APC: variants seen among roughly 807,000 people sequenced by gnomAD.
The protein encoded by APC is APC regulator of Wnt signaling pathway.
APC carries 72 observed loss-of-function variants against 247.0 expected under a neutral mutation model. The observed-to-expected ratio is 0.29, with a 90% CI of 0.24 to 0.35. The LOEUF is 0.35. Ranked by LOEUF, APC falls within the 10% of genes least tolerant of loss-of-function variation. The pLI, the probability that APC is intolerant of heterozygous loss-of-function variation, is 1.00. For synonymous variants in APC, 1,254 were observed against 1,162.5 expected (o/e 1.08, Z -1.60); for missense variants, 3,400 against 3,360.7 (o/e 1.01, Z -0.29).
At position 112,841,798 on chromosome 5, in the gene APC, G is replaced by T. The variant is rs1554087277; in HGVS notation, c.6204G>T (p.Met2068Ile). ...GDNEKHSPRN[M>I]GGILGEDLTL... The stretch of plus-strand genomic sequence containing the variant: ...ATGAAAAACATAGTCCCAGAAATAT[G>T]GGTGGCATATTAGGTGAAGATCTGA... Residue 2068 changes from methionine to isoleucine, a missense_variant, in exon 16 of 16, where the codon ATG becomes ATT. Met to Ile is a conservative substitution (Grantham distance 10). This residue lies in a region of APC where 1,788 missense variants were observed against 1,649.5 expected (regional missense o/e 1.08). Transcript: ENST00000257430. The surrounding 1 kb of genome is among the most constrained non-coding windows in gnomAD (Gnocchi z 4.6). 6.2e-7 allele frequency: 1 copy of T among 1,614,020 alleles called. No individual in the cohort carries two copies. The highest frequency in any genetic ancestry group is 1.1e-5 in the South Asian group (1 of 91,070).
Position 112,843,589 on chromosome 5 carries a change from C to T in APC, c.7995C>T (p.Pro2665=), listed in dbSNP as rs1554088819. 4.3e-6 allele frequency: 7 copies of T among 1,613,936 alleles called. No individual in the cohort carries two copies. The highest frequency in any genetic ancestry group is 5.1e-6 in the Non-Finnish European group (6 of 1,179,890). ...TTTGGGTGAGAATTGAGGACTGTCC[C>T]ATTAACAATCCTAGATCTGGAAGAT... ...EDVWVRIEDC[P]INNPRSGRSP... The change falls in exon 16 of 16, where the codon CCC becomes CCT. Residue 2665 remains proline (P), a synonymous_variant. Coordinates refer to ENST00000257430, the MANE Select transcript of APC (RefSeq NM_000038.6). This position sits in a 1 kb window ranked among gnomAD's most constrained non-coding sequence, Gnocchi z 4.8.
intron 1 of APC, among the ~76,000 whole-genome samples, chr5:112,709,810 CAGG>C (rs1453935002): frequency 1.3e-5 from 2 of 152,090 alleles, no homozygotes; most frequent in Non-Finnish European, 2.9e-5. Flanking sequence ...GAGGCTGAGG[CAGG>C]AGGATTGTTG....
chr5:112,809,771 A>T (rs1451707321), intron 8 of APC, among the ~76,000 whole-genome samples: 5 of 152,150 alleles, frequency 3.3e-5, no homozygotes, highest in Admixed American at 2.0e-4. Flanking sequence ...GGAGGCCGAG[A>T]TGGGCGGATC....
intron 1 of APC, among the ~76,000 whole-genome samples, chr5:112,732,288 G>A (rs536535734): frequency 6.6e-6 from 1 of 152,266 alleles, no homozygotes; most frequent in East Asian, 1.9e-4. Context: ...AGGAGTGCTT[G>A]GTGTTTCTCA....
At position 112,832,216 on chromosome 5, in the gene APC, G is replaced by A. The variant is rs187986986; in HGVS notation, c.1744-2735G>A. Among the ~76,000 whole-genome samples, 339 of 152,172 alleles carry A rather than the reference G, an allele frequency of 2.2e-3. 1 individual carries two copies. The highest frequency in any genetic ancestry group is 3.9e-3 in the Non-Finnish European group (264 of 68,004). On this transcript the variant is annotated intron_variant, in intron 14 of 15. Transcript: ENST00000257430. The stretch of plus-strand genomic sequence containing the variant: ...CCTTGACATGTAGCCCCACAGAGAG[G>A]AACTTTTGTATTTTTCTACCTTCAA...
intron 6 of APC, among the ~76,000 whole-genome samples, chr5:112,789,036 C>T (rs1280307740): frequency 6.6e-6 from 1 of 152,120 alleles, no homozygotes; most frequent in Non-Finnish European, 1.5e-5. Context: ...GTGTTGTTTA[C>T]ACAGTTAAGT....
intron 10 of APC, among the ~76,000 whole-genome samples, chr5:112,820,908 CT>C (rs1763056383): frequency 6.6e-6 from 1 of 152,128 alleles, no homozygotes; most frequent in Admixed American, 6.6e-5. Flanking sequence ...AGCGCCCAGA[CT>C]GTAATGCAGT....
chr5:112,740,719 T>A (rs1050697267), intron 1 of APC, among the ~76,000 whole-genome samples: 2 of 151,764 alleles, frequency 1.3e-5, no homozygotes, highest in African/African-American at 2.4e-5. Context: ...AGAGATGGGG[T>A]TTCACCATGT....
chr5:112,800,737 G>T (rs963833614), intron 7 of APC, among the ~76,000 whole-genome samples: 2 of 152,078 alleles, frequency 1.3e-5, no homozygotes, highest in African/African-American at 2.4e-5. Flanking sequence ...CCTGTTAACA[G>T]ATGGTGGTTG....
intron 10 of APC, among the ~76,000 whole-genome samples, chr5:112,819,829 TATC>T (rs1303695212): frequency 5.9e-5 from 9 of 152,168 alleles, no homozygotes; most frequent in Non-Finnish European, 5.9e-5. Context: ...GGGAAGGTAT[TATC>T]ATCTCCATTT....
Position 112,792,449 on chromosome 5 carries a change from A to G in APC, c.649A>G (p.Arg217Gly). 6.2e-7 allele frequency: 1 copy of G among 1,608,386 alleles called. No individual in the cohort carries two copies. Reference sequence around the variant, plus strand: ...TAGGTTTCTTGTTTTATTTTAGCGAAGAATAGCCAGAATTCAGCAAATCGA... The same window carrying G: ...TAGGTTTCTTGTTTTATTTTAGCGAGGAATAGCCAGAATTCAGCAAATCGA... ...CQDMEKRAQR[R>G]IARIQQIEKD... Residue 217 changes from arginine to glycine, a missense_variant, in exon 7 of 16, where the codon AGA becomes GGA. By Grantham distance (125) the Arg-to-Gly change is moderately radical. Coordinates refer to ENST00000257430, the MANE Select transcript of APC (RefSeq NM_000038.6).
intron 10 of APC, among the ~76,000 whole-genome samples, chr5:112,820,928 C>G (rs1763059700): frequency 6.6e-6 from 1 of 152,094 alleles, no homozygotes; most frequent in African/African-American, 2.4e-5. Flanking sequence ...GTGGTGCGAT[C>G]ACAGTTCACT....
chr5:112,757,969 T>C, intron 2 of APC, among the ~76,000 whole-genome samples: 1 of 152,170 alleles, frequency 6.6e-6, no homozygotes, highest in South Asian at 2.1e-4. Flanking sequence ...TATTGAAATA[T>C]TTACAAAGAA....
Position 112,842,081 on chromosome 5 carries a change from A to C in APC, c.6487A>C (p.Lys2163Gln), listed in dbSNP as rs759728732. ...DQEEKPFTSN[K>Q]GPRILKPGEK... ...AGAAGAAAAACCCTTTACAAGTAAT[A>C]AAGGCCCACGAATTCTAAAACCAGG... Residue 2163 changes from lysine (K) to glutamine (Q), a missense_variant, in exon 16 of 16, where the codon AAA (lysine) becomes CAA (glutamine). This residue lies in a region of APC where 1,788 missense variants were observed against 1,649.5 expected (regional missense o/e 1.08). Coordinates refer to ENST00000257430, the MANE Select transcript of APC (RefSeq NM_000038.6). The C allele has an allele frequency of 8.7e-6, 14 of 1,611,318 alleles. No individual in the cohort carries two copies. In the East Asian group the frequency reaches 3.1e-4, roughly 36 times the overall value.
intron 2 of APC, 88 bp from the exon 3 acceptor site, chr5:112,766,238 C>A: frequency 1.1e-6 from 1 of 941,496 alleles, no homozygotes; most frequent in Non-Finnish European, 1.7e-6. Context: ...GAATTTTTTT[C>A]TCAGCATACT....
At position 112,846,052 on chromosome 5, in the gene APC, A is replaced by G; in HGVS notation, c.*1926A>G. On this transcript the variant is annotated 3_prime_UTR_variant, in exon 16 of 16. Transcript: ENST00000257430. ...AATGCCAGTAAATAAAAGTGCTATG[A>G]CTTGAGCTAAGATATTTGACTCCAA... 4.3e-6 allele frequency: 1 copy of G among 232,186 alleles called. No individual in the cohort carries two copies. Among genetic ancestry groups the G allele is most frequent in the African/African-American group, 2.2e-5 (1 of 45,428 alleles). The allele number at this position is 232,186 out of a possible 1,614,324, so 14.4% of individuals were successfully genotyped here.
At chr5:112,831,757 C>T (rs1322396660) in intron 14 of APC, among the ~76,000 whole-genome samples, 3 of 152,130 alleles carry the variant, frequency 2.0e-5, no homozygotes, top group Non-Finnish European at 4.4e-5. Context: ...CTGGATCCTT[C>T]TTTTTTATGT....
chr5:112,816,872 A>G (rs781040101), intron 9 of APC, among the ~76,000 whole-genome samples: 3 of 151,242 alleles, frequency 2.0e-5, no homozygotes, highest in Non-Finnish European at 2.9e-5. Context: ...TATTTTATTT[A>G]TTTATTTATT....
chr5:112,843,892 C>T lies in APC; in HGVS notation c.8298C>T (p.Ser2766=), dbSNP rs876658523. 12 of 1,613,790 alleles carry T rather than the reference C, an allele frequency of 7.4e-6. No homozygotes were observed. The highest frequency in any genetic ancestry group is 1.7e-5 in the Admixed American group (1 of 59,982). Residue 2766 remains serine, a synonymous_variant, in exon 16 of 16, where the codon AGC becomes AGT. Transcript: ENST00000257430. This position sits in a 1 kb window ranked among gnomAD's most constrained non-coding sequence, Gnocchi z 4.8. ...IVERTPFSSS[S]SSKHSSPSGT... is the part of the protein sequence containing the mutation. The stretch of plus-strand genomic sequence containing the variant: ...AACGTACCCCATTCAGTTCTAGCAG[C>T]TCAAGCAAACACAGTTCACCTAGTG...
Sources: allele counts gnomAD v4.1 joint callset (sites outside exome capture counted in the v4.1 genomes callset), GRCh38; gene constraint gnomAD v4.1.1; regional missense constraint gnomAD v4.1.1; non-coding constraint Gnocchi (gnomAD v3.1); transcripts MANE v1.5; gene names NCBI Gene and HGNC (gene_info 2026-07-23, HGNC 2026-07-21).